The following KCNC2 variants were observed in gnomAD, a reference collection of about 807,000 sequenced individuals.
KCNC2 encodes voltage-gated potassium channel KCNC2.
KCNC2 carries 21 observed loss-of-function variants against 44.5 expected under a neutral mutation model. The observed-to-expected ratio is 0.47, with a 90% CI of 0.33 to 0.68. The LOEUF (loss-of-function observed/expected upper bound fraction) is 0.68, where lower values mean the gene tolerates loss of function less well. KCNC2 is among the 30% of genes least tolerant of loss of function. The pLI, the probability that KCNC2 is intolerant of heterozygous loss-of-function variation, is 0.01. For missense variants in KCNC2, 589 were observed against 826.2 expected (o/e 0.71, Z 3.52); for synonymous variants, 391 against 339.1 (o/e 1.15, Z -1.68).
chr12:75,203,469 G>A (rs776159060), intron 2 of KCNC2, among the ~76,000 whole-genome samples: 1 of 151,810 alleles, frequency 6.6e-6, no homozygotes, highest in African/African-American at 2.4e-5. Context: ...GATGCAGAAG[G>A]ATCGTATATG....
At chr12:75,133,630 A>G (rs993895620) in intron 2 of KCNC2, among the ~76,000 whole-genome samples, 2 of 152,020 alleles carry the variant, frequency 1.3e-5, no homozygotes, top group African/African-American at 2.4e-5. Flanking sequence ...GTGGCATTTC[A>G]TAAGAGTGGC....
chr12:75,156,364 G>A (rs749545624), intron 2 of KCNC2, among the ~76,000 whole-genome samples: 6 of 151,644 alleles, frequency 4.0e-5, no homozygotes, highest in Non-Finnish European at 8.8e-5. Context: ...CACTGAAATT[G>A]AATTTTCAGT....
intron 2 of KCNC2, among the ~76,000 whole-genome samples, chr12:75,182,674 A>G (rs1481148849): frequency 1.3e-5 from 2 of 152,162 alleles, no homozygotes; most frequent in Admixed American, 1.3e-4. Flanking sequence ...TTAGAAAGGC[A>G]ATATGGCATC....
chr12:75,155,135 G>A (rs573238269), intron 2 of KCNC2, among the ~76,000 whole-genome samples: 8 of 151,076 alleles, frequency 5.3e-5, no homozygotes, highest in African/African-American at 1.2e-4. Context: ...AAAAAAAAAC[G>A]CCCCTCTTTA....
chr12:75,092,742 C>A (rs1885591768), intron 2 of KCNC2, among the ~76,000 whole-genome samples: 1 of 151,464 alleles, frequency 6.6e-6, no homozygotes, highest in Non-Finnish European at 1.5e-5. Flanking sequence ...TTTTCCCAAC[C>A]TCTTCATATT....
intron 2 of KCNC2, among the ~76,000 whole-genome samples, chr12:75,092,269 C>T (rs1170329932): frequency 3.3e-5 from 5 of 151,606 alleles, no homozygotes; most frequent in African/African-American, 1.2e-4. Flanking sequence ...TTCTCTATTT[C>T]TCTCCTCAAA....
chr12:75,175,048 T>C (rs1892089483), intron 2 of KCNC2, among the ~76,000 whole-genome samples: 1 of 151,734 alleles, frequency 6.6e-6, no homozygotes, highest in Non-Finnish European at 1.5e-5. Flanking sequence ...CTATAGAACT[T>C]CCAAAGAAAA....
chr12:75,041,063 C>T lies in KCNC2; in HGVS notation c.*2042G>A, dbSNP rs200295579. On this transcript the variant is annotated 3_prime_UTR_variant, in exon 5 of 5. Coordinates refer to ENST00000549446, the MANE Select transcript of KCNC2 (RefSeq NM_139137.4). ...ATAAGCTTTAAGTGCCTCATGAAGA[C>T]GCGAGGATCTCTTCCAAGTGCAACC... 35 of 1,538,500 alleles carry T rather than the reference C, an allele frequency of 2.3e-5. No individual in the cohort carries two copies. The highest frequency in any genetic ancestry group is 1.8e-4 in the African/African-American group (13 of 73,686).
intron 2 of KCNC2, among the ~76,000 whole-genome samples, chr12:75,198,821 T>C (rs2030994713): frequency 6.6e-6 from 1 of 151,796 alleles, no homozygotes. Context: ...TTCTGAATAA[T>C]GTCTGGCCTT....
intron 2 of KCNC2, among the ~76,000 whole-genome samples, chr12:75,108,324 G>C (rs77858232): frequency 1.4e-4 from 22 of 152,032 alleles, no homozygotes; most frequent in Non-Finnish European, 2.2e-4. Context: ...ATAGGAGAAA[G>C]ATATTTCTAA....
chr12:75,067,789 CCTT>C lies in KCNC2; in HGVS notation c.688-16475_688-16473del, dbSNP rs1380595468. Among the ~76,000 whole-genome samples, 3 of 152,164 alleles carry C rather than the reference CCTT, an allele frequency of 2.0e-5. No homozygotes were observed. In the East Asian group the frequency reaches 5.8e-4, roughly 29 times the overall value. ...TAATGATGTCAGTGTTTACCTGCCT[CCTT>C]CTGTTTTCATAATATATTATTAATT... On this transcript the variant is annotated intron_variant, in intron 2 of 4. Transcript: ENST00000549446.
In KCNC2 at chr12:75,041,004, G is replaced by A. The variant is rs1260534136; in HGVS notation, c.*2101C>T. ...GTCTACAAGCAGAGCACTCTCATGG[G>A]GAGCACCAGATGAGTTCCAGCCGCA... On this transcript the variant is annotated 3_prime_UTR_variant, in exon 5 of 5. Coordinates refer to ENST00000549446, the MANE Select transcript of KCNC2 (RefSeq NM_139137.4). 2.2e-6 allele frequency: 2 copies of A among 890,782 alleles called. No homozygotes were observed. Among genetic ancestry groups the A allele is most frequent in the African/African-American group, 1.6e-5 (1 of 61,112 alleles). 55.2% of individuals were successfully genotyped at this position (890,782 alleles called of 1,614,324 possible).
Position 75,042,771 on chromosome 12 carries a change from T to C in KCNC2, c.*334A>G. 1 of 1,154,362 alleles carries C rather than the reference T, an allele frequency of 8.7e-7. No individual in the cohort carries two copies. Among genetic ancestry groups the C allele is most frequent in the Non-Finnish European group, 1.1e-6 (1 of 937,288 alleles). 71.5% of individuals were successfully genotyped at this position (1,154,362 alleles called of 1,614,324 possible). On this transcript the variant is annotated 3_prime_UTR_variant, in exon 5 of 5. Coordinates refer to ENST00000549446, the MANE Select transcript of KCNC2 (RefSeq NM_139137.4). ...AAAGTTCCAATGAAGTGGTTGGCAT[T>C]TGGAAGCACACTGTTTTAAATATAT...
intron 2 of KCNC2, among the ~76,000 whole-genome samples, chr12:75,193,106 A>C (rs1375365420): frequency 6.6e-6 from 1 of 152,178 alleles, no homozygotes; most frequent in East Asian, 1.9e-4. Flanking sequence ...CGACAACAAA[A>C]TAGTGTTCCT....
intron 2 of KCNC2, among the ~76,000 whole-genome samples, chr12:75,144,800 G>A (rs1314031142): frequency 1.3e-5 from 2 of 152,000 alleles, no homozygotes; most frequent in Non-Finnish European, 2.9e-5. Flanking sequence ...TTCAAATTGT[G>A]AATTGTCTAC....
At chr12:75,165,404 T>C (rs1891380871) in intron 2 of KCNC2, among the ~76,000 whole-genome samples, 1 of 151,474 alleles carries the variant, frequency 6.6e-6, no homozygotes, top group Admixed American at 6.6e-5. Flanking sequence ...TATCTCAGAG[T>C]CACTGCTACA....
Position 75,057,901 on chromosome 12 carries a change from A to G in KCNC2, c.688-6584T>C, listed in dbSNP as rs1236929877. 3.3e-5 allele frequency among the ~76,000 whole-genome samples: 5 copies of G among 151,902 alleles called. No individual in the cohort carries two copies. The East Asian group carries it at 9.7e-4, about 29-fold the overall frequency. ...TATCCTTATCCAATGTACATATACA[A>G]TCCTTCCTCTATATTTTTATTTTGA... On this transcript the variant is annotated intron_variant, in intron 2 of 4. Transcript: ENST00000549446.
At chr12:75,073,607 T>C (rs532348578) in intron 2 of KCNC2, among the ~76,000 whole-genome samples, 1 of 152,340 alleles carries the variant, frequency 6.6e-6, no homozygotes, top group East Asian at 1.9e-4. Flanking sequence ...AAGACTGCAC[T>C]TAAGTTTAGG....
chr12:75,149,604 G>A (rs1890251978), intron 2 of KCNC2, among the ~76,000 whole-genome samples: 1 of 151,636 alleles, frequency 6.6e-6, no homozygotes, highest in South Asian at 2.1e-4. Flanking sequence ...CTTATATTGA[G>A]CATCTTTAAT....
Sources: allele counts gnomAD v4.1 joint callset (sites outside exome capture counted in the v4.1 genomes callset), GRCh38; gene constraint gnomAD v4.1.1; transcripts MANE v1.5; gene names NCBI Gene and HGNC (gene_info 2026-07-23, HGNC 2026-07-21).